The following OXR1 variants were observed in gnomAD, a reference collection of about 807,000 sequenced individuals.
OXR1 encodes the protein oxidation resistance 1.
OXR1 carries 41 observed loss-of-function variants against 104.6 expected under a neutral mutation model. The ratio of observed to expected loss-of-function variants is 0.39; its 90% CI spans 0.31 to 0.51. The LOEUF (loss-of-function observed/expected upper bound fraction) is 0.51. OXR1 is among the 20% of genes least tolerant of loss of function. The pLI, the probability that OXR1 is intolerant of heterozygous loss-of-function variation, is 0.77. For synonymous variants in OXR1, 348 were observed against 348.4 expected (o/e 1.00, Z 0.01); for missense variants, 955 against 1,031.9 (o/e 0.93, Z 1.02).
intron 8 of OXR1, among the ~76,000 whole-genome samples, chr8:106,705,827 A>C (rs1355373472): frequency 1.3e-5 from 2 of 152,122 alleles, no homozygotes; most frequent in African/African-American, 4.8e-5. Context: ...TGTTAGCCTG[A>C]AGATTTTCTC....
chr8:106,406,414 C>A (rs1039503018), intron 2 of OXR1, among the ~76,000 whole-genome samples: 1 of 152,120 alleles, frequency 6.6e-6, no homozygotes, highest in Non-Finnish European at 1.5e-5. Flanking sequence ...TGCACACTGA[C>A]ACTTATAGCA....
chr8:106,276,753 C>CAAA (rs56303147), intron 1 of OXR1, among the ~76,000 whole-genome samples: 4 of 77,716 alleles, frequency 5.1e-5, no homozygotes, highest in Non-Finnish European at 1.0e-4. Flanking sequence ...CTGTTAGAGG[C>CAAA]AAAAAAAAAA....
intron 2 of OXR1, among the ~76,000 whole-genome samples, chr8:106,424,508 A>G (rs1819031070): frequency 6.6e-6 from 1 of 152,048 alleles, no homozygotes. Context: ...TATAGATTCT[A>G]TTATGTATTT....
At chr8:106,680,520 T>C (rs1455382950) in intron 4 of OXR1, among the ~76,000 whole-genome samples, 1 of 152,142 alleles carries the variant, frequency 6.6e-6, no homozygotes, top group Non-Finnish European at 1.5e-5. Flanking sequence ...ACTCTAATTT[T>C]TTATTGAAAC....
At chr8:106,673,799 G>A (rs1028619130) in intron 3 of OXR1, among the ~76,000 whole-genome samples, 1 of 152,142 alleles carries the variant, frequency 6.6e-6, no homozygotes, top group African/African-American at 2.4e-5. Context: ...ATACAGCCCA[G>A]GCCATTTATT....
chr8:106,356,262 G>T (rs914745616), intron 1 of OXR1, among the ~76,000 whole-genome samples: 10 of 152,148 alleles, frequency 6.6e-5, no homozygotes, highest in Non-Finnish European at 5.9e-5. Context: ...CTGACAGGTG[G>T]TTGACACAAG....
At chr8:106,419,484 A>G (rs1242397658) in intron 2 of OXR1, among the ~76,000 whole-genome samples, 1 of 152,162 alleles carries the variant, frequency 6.6e-6, no homozygotes, top group Non-Finnish European at 1.5e-5. Flanking sequence ...AACAGGTGAT[A>G]GATGAGCTCA....
At chr8:106,531,957 T>C (rs1053510691) in intron 3 of OXR1, among the ~76,000 whole-genome samples, 7 of 152,224 alleles carry the variant, frequency 4.6e-5, no homozygotes, top group African/African-American at 1.7e-4. Context: ...CATGCTTTCT[T>C]CTTTCTTTTT....
intron 2 of OXR1, among the ~76,000 whole-genome samples, chr8:106,412,909 T>A (rs1437000351): frequency 1.3e-5 from 2 of 152,090 alleles, no homozygotes; most frequent in African/African-American, 2.4e-5. Context: ...ATTTTTATGG[T>A]CCTATGCACA....
chr8:106,418,445 C>T (rs567397123), intron 2 of OXR1, among the ~76,000 whole-genome samples: 2 of 152,006 alleles, frequency 1.3e-5, no homozygotes, highest in Admixed American at 6.6e-5. Flanking sequence ...CAGAGATAAC[C>T]ACTGTCAACA....
rs115758225 is a variant in OXR1 at position 106,314,769 on chromosome 8, G to A, written c.-139+44402G>A. Among the ~76,000 whole-genome samples the A allele has an allele frequency of 9.7e-3, 1,470 of 152,228 alleles. 29 individuals carry two copies. Among genetic ancestry groups the A allele is most frequent in the African/African-American group, 0.033 (1,350 of 41,538 alleles). ...TGGCATATATAGGCATAGATAGAAT[G>A]CAATTAATAATAATTGTTTAGCCTT... On this transcript the variant is annotated intron_variant, in intron 1 of 16. Coordinates refer to ENST00000517566, the MANE Select transcript of OXR1 (RefSeq NM_001198533.2).
rs1052120961 is a variant in OXR1, at chr8:106,752,487, A to G, written c.*1546A>G. The stretch of plus-strand genomic sequence containing the variant: ...CAGGGCATCATTTCCTTGTCTCATT[A>G]TAAGTTAGTAACAATATATAGATTA... On this transcript the variant is annotated 3_prime_UTR_variant, in exon 17 of 17. Transcript: ENST00000517566. The G allele has an allele frequency of 6.6e-6, 1 of 152,552 alleles. No homozygotes were observed. The highest frequency in any genetic ancestry group is 1.5e-5 in the Non-Finnish European group (1 of 67,946). 9.4% of individuals were successfully genotyped at this position (152,552 alleles called of 1,614,324 possible).
intron 1 of OXR1, among the ~76,000 whole-genome samples, chr8:106,355,322 GA>G (rs1815917393): frequency 6.6e-6 from 1 of 151,944 alleles, no homozygotes; most frequent in Non-Finnish European, 1.5e-5. Flanking sequence ...TCACCAAAAT[GA>G]ACAAAAAATT....
At chr8:106,521,936 G>A (rs1472634274) in intron 3 of OXR1, among the ~76,000 whole-genome samples, 1 of 152,198 alleles carries the variant, frequency 6.6e-6, no homozygotes, top group African/African-American at 2.4e-5. Context: ...CTCATTCATT[G>A]AAAGATATTT....
intron 3 of OXR1, among the ~76,000 whole-genome samples, chr8:106,558,912 C>T (rs746729663): frequency 8.5e-5 from 13 of 152,166 alleles, no homozygotes; most frequent in Non-Finnish European, 1.8e-4. Context: ...ATACATACTT[C>T]TTGGAAATAG....
At chr8:106,374,909 C>T (rs1188527959) in intron 2 of OXR1, among the ~76,000 whole-genome samples, 1 of 152,170 alleles carries the variant, frequency 6.6e-6, no homozygotes, top group Non-Finnish European at 1.5e-5. Flanking sequence ...GCGTTGTGCA[C>T]ACTAGCCTCA....
intron 2 of OXR1, among the ~76,000 whole-genome samples, chr8:106,400,451 AT>A (rs1817956065): frequency 6.6e-6 from 1 of 152,160 alleles, no homozygotes; most frequent in African/African-American, 2.4e-5. Context: ...CACAATGAAT[AT>A]TTTTAGACTG....
intron 3 of OXR1, among the ~76,000 whole-genome samples, chr8:106,674,714 G>A (rs1001423220): frequency 6.6e-6 from 1 of 152,162 alleles, no homozygotes; most frequent in Non-Finnish European, 1.5e-5. Flanking sequence ...GGAGGTAATT[G>A]GATCATGGGG....
chr8:106,599,834 TA>T (rs1819825684), intron 3 of OXR1, among the ~76,000 whole-genome samples: 1 of 151,902 alleles, frequency 6.6e-6, no homozygotes, highest in African/African-American at 2.4e-5. Flanking sequence ...GGACCTGGGG[TA>T]GGGGTGTTGG....
Sources: allele counts gnomAD v4.1 joint callset (sites outside exome capture counted in the v4.1 genomes callset), GRCh38; gene constraint gnomAD v4.1.1; transcripts MANE v1.5; gene names NCBI Gene and HGNC (gene_info 2026-07-23, HGNC 2026-07-21).